PHC3: variants seen among roughly 807,000 people sequenced by gnomAD.
PHC3 encodes polyhomeotic homolog 3.
A neutral mutation model predicts 107.4 loss-of-function variants in PHC3; 13 were observed. That is an observed-to-expected ratio of 0.12 (90% CI 0.08 to 0.19). The LOEUF is 0.19. Ranked by LOEUF, PHC3 falls within the 10% of genes least tolerant of loss-of-function variation. The pLI, the probability that PHC3 is intolerant of heterozygous loss-of-function variation, is 1.00. For synonymous variants in PHC3, 456 were observed against 427.4 expected, an observed-to-expected ratio of 1.07 and a Z score of -0.83; for missense variants, 992 against 1,210.9, an observed-to-expected ratio of 0.82 and a Z score of 2.68.
At chr3:170,128,448 A>C in intron 8 of PHC3, 1 of 1,244,756 alleles carries the variant, frequency 8.0e-7, no homozygotes, top group Non-Finnish European at 1.1e-6. Context: ...ATAGTAATAA[A>C]ATTAACGAGG....
rs553458340 is a variant in PHC3 at position 170,161,527 on chromosome 3, G to C, written c.414+9846C>G. ...ATGTGCAGTTCAAAATAGGGTTCACGCTCCTATGAGAATCTAATGCTGCCA... is the reference window on the plus strand; with the variant it reads ...ATGTGCAGTTCAAAATAGGGTTCACCCTCCTATGAGAATCTAATGCTGCCA... On this transcript the variant is annotated intron_variant, in intron 4 of 14. Transcript: ENST00000495893. Among the ~76,000 whole-genome samples the C allele has an allele frequency of 1.1e-4, 16 of 152,208 alleles. No homozygotes were observed. The East Asian group carries it at 2.9e-3, about 28-fold the overall frequency.
intron 11 of PHC3, among the ~76,000 whole-genome samples, chr3:170,112,280 G>A (rs536324932): frequency 2.6e-5 from 4 of 151,034 alleles, no homozygotes; most frequent in Admixed American, 6.6e-5. Context: ...GCACAATTTC[G>A]GCTCACTGCA....
intron 4 of PHC3, among the ~76,000 whole-genome samples, chr3:170,169,271 T>C (rs1386821587): frequency 6.6e-6 from 1 of 152,170 alleles, no homozygotes; most frequent in Non-Finnish European, 1.5e-5. Context: ...TTCTGGAGAA[T>C]GGACCCTTTC....
chr3:170,167,746 C>G (rs1283180350), intron 4 of PHC3, among the ~76,000 whole-genome samples: 5 of 128,836 alleles, frequency 3.9e-5, no homozygotes, highest in African/African-American at 3.0e-5. Context: ...GGCGACAGAG[C>G]AAGGCTTCAT....
intron 4 of PHC3, among the ~76,000 whole-genome samples, chr3:170,161,426 G>C (rs1042892978): frequency 6.6e-6 from 1 of 152,120 alleles, no homozygotes; most frequent in Non-Finnish European, 1.5e-5. Flanking sequence ...AGAGAAGGTG[G>C]GGAAAATGGG....
intron 7 of PHC3, among the ~76,000 whole-genome samples, chr3:170,134,600 A>G (rs1722769507): frequency 1.3e-5 from 2 of 152,202 alleles, no homozygotes; most frequent in South Asian, 4.1e-4. Flanking sequence ...AAAGACTGCA[A>G]TAATTCCCAA....
At chr3:170,177,632 G>A (rs1051821675) in intron 2 of PHC3, among the ~76,000 whole-genome samples, 6 of 150,992 alleles carry the variant, frequency 4.0e-5, no homozygotes, top group African/African-American at 1.5e-4. Flanking sequence ...CTCCCAAAGC[G>A]CTGGGATTAG....
At chr3:170,152,465 C>A (rs1482503414) in intron 4 of PHC3, among the ~76,000 whole-genome samples, 1 of 151,056 alleles carries the variant, frequency 6.6e-6, no homozygotes, top group African/African-American at 2.4e-5. Flanking sequence ...GGATTACAGG[C>A]GTGAGCCACC....
intron 9 of PHC3, 88 bp downstream of exon 9, chr3:170,122,503 G>A (rs904319603): frequency 6.5e-6 from 9 of 1,387,986 alleles, no homozygotes; most frequent in African/African-American, 2.9e-5. Flanking sequence ...CAAAAAGGGT[G>A]AAAGGAGGAA....
intron 4 of PHC3, among the ~76,000 whole-genome samples, chr3:170,167,398 G>A (rs908412492): frequency 2.0e-5 from 3 of 152,218 alleles, no homozygotes; most frequent in African/African-American, 7.2e-5. Flanking sequence ...TTATAGGCAT[G>A]AGCCAACATG....
At chr3:170,110,285 ACTTG>A (rs1717375275) in intron 11 of PHC3, among the ~76,000 whole-genome samples, 1 of 151,960 alleles carries the variant, frequency 6.6e-6, no homozygotes, top group African/African-American at 2.4e-5. Flanking sequence ...CTAACTTCAA[ACTTG>A]CTTGTCTAAT....
In PHC3 at chr3:170,172,481, C is replaced by G. The variant is rs532813829; in HGVS notation, c.336+76G>C. The G allele has an allele frequency of 4.1e-6, 6 of 1,472,720 alleles. No individual in the cohort carries two copies. In the East Asian group the frequency reaches 1.2e-4, roughly 29 times the overall value. 91.2% of individuals were successfully genotyped at this position (1,472,720 alleles called of 1,614,324 possible). A position where few individuals can be genotyped will look rare whatever the true frequency, so the allele number is the denominator to read the frequency against. On this transcript the variant is annotated intron_variant, in intron 3 of 14. Coordinates refer to ENST00000495893, the MANE Select transcript of PHC3 (RefSeq NM_024947.4). Reference sequence around the variant, plus strand: ...GACATCTGAGAACTCTGAAATAATACCCAATCTATTTATTTTCAGTAACTA... The same window carrying G: ...GACATCTGAGAACTCTGAAATAATAGCCAATCTATTTATTTTCAGTAACTA...
intron 14 of PHC3, chr3:170,102,218 A>G (rs1373069939): frequency 1.0e-6 from 1 of 985,296 alleles, no homozygotes; most frequent in Non-Finnish European, 1.2e-6. Flanking sequence ...AAGCACCTTT[A>G]ATATCTTCAC....
chr3:170,136,910 GA>G (rs555028257), intron 6 of PHC3, among the ~76,000 whole-genome samples: 1,889 of 146,268 alleles, frequency 0.013, 40 homozygotes, highest in African/African-American at 0.044. Context: ...GGGAGGGAGA[GA>G]AAAAAAAGAA....
In PHC3 at chr3:170,128,910, G is replaced by A; in HGVS notation, c.1562C>T (p.Pro521Leu). The A allele has an allele frequency of 6.2e-7, 1 of 1,614,068 alleles. No individual in the cohort carries two copies. The highest frequency in any genetic ancestry group is 1.3e-5 in the African/African-American group (1 of 75,060). The change falls in exon 8 of 15, where the codon CCT becomes CTT. Residue 521 changes from proline (P) to leucine (L), a missense_variant. Pro to Leu is a moderately conservative substitution (Grantham distance 98, BLOSUM62 -3). Coordinates refer to ENST00000495893, the MANE Select transcript of PHC3 (RefSeq NM_024947.4). ...IASPPQMSTS[P>L]PAQIPPLPLQ... ...GGGCAGTGGTGGAATCTGAGCTGGA[G>A]GAGATGTCGACATCTGTGGAGGACT...
At chr3:170,122,516 G>A (rs1720544983) in intron 9 of PHC3, 75 bp downstream of exon 9, 3 of 1,497,862 alleles carry the variant, frequency 2.0e-6, no homozygotes, top group Admixed American at 1.7e-5. Flanking sequence ...AGGAGGAAAG[G>A]GAAAAAAATC....
chr3:170,165,907 G>A (rs542013076), intron 4 of PHC3, among the ~76,000 whole-genome samples: 5 of 150,506 alleles, frequency 3.3e-5, no homozygotes, highest in East Asian at 1.9e-4. Flanking sequence ...GTTGGAGGCC[G>A]GCCTGGACAA....
chr3:170,136,403 A>G lies in PHC3; in HGVS notation c.919+16T>C. 6.2e-7 allele frequency: 1 copy of G among 1,611,840 alleles called. No individual in the cohort carries two copies. The highest frequency in any genetic ancestry group is 8.5e-7 in the Non-Finnish European group (1 of 1,179,278). On this transcript the variant is annotated intron_variant, in intron 7 of 14. Transcript: ENST00000495893. ...AATGAATAATACAACTATTTTCAACAAAAGTTTTATCCCACCTGGTGCTAT... is the reference window on the plus strand; with the variant it reads ...AATGAATAATACAACTATTTTCAACGAAAGTTTTATCCCACCTGGTGCTAT...
At chr3:170,164,332 A>G (rs536302548) in intron 4 of PHC3, among the ~76,000 whole-genome samples, 1 of 152,334 alleles carries the variant, frequency 6.6e-6, no homozygotes, top group East Asian at 1.9e-4. Flanking sequence ...AGGCAACAAC[A>G]GTTTGTTCAA....
Sources: gnomAD v4.1 joint callset for allele counts (sites outside exome capture counted in the v4.1 genomes callset) on GRCh38, gnomAD v4.1.1 for gene constraint, MANE v1.5 for transcripts, NCBI Gene and HGNC (gene_info 2026-07-23, HGNC 2026-07-21) for gene names.